Variants in LAMA2 observed in about 807,000 individuals in gnomAD.
LAMA2 encodes the protein laminin subunit alpha 2.
Under a neutral mutation model 364.8 loss-of-function variants are expected in LAMA2, and 269 were observed. The observed-to-expected ratio is 0.74, with a 90% CI of 0.67 to 0.82. LAMA2 has a LOEUF of 0.82. Among genes scored for constraint, LAMA2 ranks in the 40% least tolerant of loss-of-function variants. The pLI, the probability that LAMA2 is intolerant of heterozygous loss-of-function variation, is 0.00. For missense variants in LAMA2, 3,807 were observed against 3,873.2 expected, an observed-to-expected ratio of 0.98 and a Z score of 0.45; for synonymous variants, 1,379 against 1,370.6, an observed-to-expected ratio of 1.01 and a Z score of -0.14.
chr6:129,246,015 T>C (rs902401433), intron 12 of LAMA2, among the ~76,000 whole-genome samples: 1 of 152,210 alleles, frequency 6.6e-6, no homozygotes, highest in African/African-American at 2.4e-5. Context: ...TCTTAAGTAG[T>C]TAGTGCCAAA....
intron 6 of LAMA2, among the ~76,000 whole-genome samples, chr6:129,148,674 A>T (rs1778624700): frequency 6.6e-6 from 1 of 152,190 alleles, no homozygotes; most frequent in African/African-American, 2.4e-5. Context: ...CCCCCAAAAA[A>T]CACATAGATC....
Position 129,467,608 on chromosome 6 carries a change from C to T in LAMA2, c.7300+2319C>T, listed in dbSNP as rs141818402. 2.2e-3 allele frequency among the ~76,000 whole-genome samples: 337 copies of T among 151,882 alleles called. 1 individual carries two copies. Among genetic ancestry groups the T allele is most frequent in the Non-Finnish European group, 2.9e-3 (199 of 67,856 alleles). On this transcript the variant is annotated intron_variant, in intron 51 of 64. Coordinates refer to ENST00000421865, the MANE Select transcript of LAMA2 (RefSeq NM_000426.4). ...GATAGTAATATGCTTGGTAGATGTA[C>T]GGTATAACAAACAGGGATAAAATGA...
Position 129,288,051 on chromosome 6 carries a change from C to T in LAMA2, c.2742C>T (p.Asn914=). 6.2e-7 allele frequency: 1 copy of T among 1,613,684 alleles called. No homozygotes were observed. The highest frequency in any genetic ancestry group is 8.5e-7 in the Non-Finnish European group (1 of 1,179,582). ...GYFGDAVDAK[N]CQPCRCNAGG... The stretch of plus-strand genomic sequence containing the variant: ...TTGGAGATGCAGTTGATGCGAAGAA[C>T]TGTCAGCGTAAGTCCTGAACTATTG... The change falls in exon 19 of 65, where the codon AAC becomes AAT. Residue 914 remains asparagine, a synonymous_variant. Transcript: ENST00000421865.
intron 22 of LAMA2, among the ~76,000 whole-genome samples, chr6:129,307,551 C>T (rs944023884): frequency 3.3e-5 from 5 of 152,210 alleles, no homozygotes; most frequent in Admixed American, 6.5e-5. Context: ...GTGTTGCAGC[C>T]TAGAAATTGC....
chr6:129,500,216 A>G (rs1405430379), intron 58 of LAMA2, among the ~76,000 whole-genome samples: 17 of 152,148 alleles, frequency 1.1e-4, no homozygotes, highest in Admixed American at 1.1e-3. Flanking sequence ...CATATTTTTA[A>G]AAACCCTCTT....
At chr6:129,129,496 A>G (rs78418823) in intron 4 of LAMA2, among the ~76,000 whole-genome samples, 5,587 of 152,266 alleles carry the variant, frequency 0.037, 344 homozygotes, top group African/African-American at 0.13. Context: ...TCTTTTTATC[A>G]GGGCCATTAC....
chr6:128,892,523 T>C (rs1373852789), intron 1 of LAMA2, among the ~76,000 whole-genome samples: 3 of 152,064 alleles, frequency 2.0e-5, no homozygotes, highest in Non-Finnish European at 2.9e-5. Context: ...TGGCATATAG[T>C]AAGCACTTCA....
chr6:129,015,500 C>T (rs1365774717), intron 1 of LAMA2, among the ~76,000 whole-genome samples: 1 of 151,996 alleles, frequency 6.6e-6, no homozygotes, highest in Non-Finnish European at 1.5e-5. Flanking sequence ...AAACATTAAA[C>T]ATTTTAAGTA....
chr6:128,911,509 G>A (rs901686811), intron 1 of LAMA2, among the ~76,000 whole-genome samples: 23 of 152,168 alleles, frequency 1.5e-4, no homozygotes, highest in East Asian at 9.7e-4. Flanking sequence ...CGCACGGTGC[G>A]CGCACCCACT....
intron 1 of LAMA2, among the ~76,000 whole-genome samples, chr6:129,008,514 G>A (rs144276500): frequency 5.9e-5 from 9 of 152,256 alleles, no homozygotes; most frequent in African/African-American, 1.9e-4. Context: ...ACTAGTGAGA[G>A]ACTAAGTGAT....
At position 129,283,657 on chromosome 6, in the gene LAMA2, C is replaced by T. The variant is rs1463020420; in HGVS notation, c.2537+3510C>T. 2.6e-5 allele frequency among the ~76,000 whole-genome samples: 4 copies of T among 151,030 alleles called. No individual in the cohort carries two copies. In the South Asian group the frequency reaches 8.5e-4, roughly 32 times the overall value. ...TTTGAAAATTCATCTACAGTTTTAT[C>T]CTCAAGATTCATACTAGATATCAAA... On this transcript the variant is annotated intron_variant, in intron 18 of 64. Transcript: ENST00000421865.
At chr6:129,007,470 T>G (rs1241050114) in intron 1 of LAMA2, among the ~76,000 whole-genome samples, 1 of 152,182 alleles carries the variant, frequency 6.6e-6, no homozygotes, top group Non-Finnish European at 1.5e-5. Flanking sequence ...CTTCCCATAT[T>G]AAATTGCTTT....
rs35581247 is a variant in LAMA2 at position 129,316,126 on chromosome 6, A to G, written c.4013A>G (p.Tyr1338Cys). Residue 1338 changes from tyrosine (Y) to cysteine (C), a missense_variant, in exon 27 of 65, where the codon TAC becomes TGC. Physicochemically the swap from Tyr to Cys is radical, Grantham distance 194 (BLOSUM62 -2). Around this residue, in one of 3 missense-constraint regions of LAMA2, gnomAD observed 3,333 missense variants for 3,345.7 expected, o/e 1.00. Coordinates refer to ENST00000421865, the MANE Select transcript of LAMA2 (RefSeq NM_000426.4). ...DFLDILYDIH[Y>C]ILIKATYGNF... ...TTGGATATACTATATGATATTCATT[A>G]CATTCTTATCAAAGCTACTTATGGA... 1.9e-6 allele frequency: 3 copies of G among 1,606,794 alleles called. No homozygotes were observed. In the African/African-American group the frequency reaches 4.0e-5, roughly 21 times the overall value.
In LAMA2 at chr6:129,434,689, G is replaced by C. The variant is rs188143740; in HGVS notation, c.5969-3957G>C. Among the ~76,000 whole-genome samples the C allele has an allele frequency of 2.6e-5, 4 of 152,148 alleles. No individual in the cohort carries two copies. The East Asian group carries it at 7.7e-4, about 29-fold the overall frequency. On this transcript the variant is annotated intron_variant, in intron 41 of 64. Coordinates refer to ENST00000421865, the MANE Select transcript of LAMA2 (RefSeq NM_000426.4). ...GAGTTCTTTCTTACTTTTAGTTATG[G>C]ATACACTATGCCTCCTCTGTCTTTT... is the stretch of plus-strand genomic sequence containing the variant.
chr6:129,433,939 G>A (rs1027732633), intron 41 of LAMA2, among the ~76,000 whole-genome samples: 1 of 152,064 alleles, frequency 6.6e-6, no homozygotes, highest in Admixed American at 6.6e-5. Context: ...TCACATGAAG[G>A]AAGATGTTTT....
At chr6:129,492,191 G>A (rs887990265) in intron 57 of LAMA2, 114 bp downstream of exon 57, 5 of 1,403,786 alleles carry the variant, frequency 3.6e-6, no homozygotes, top group South Asian at 1.2e-5. Context: ...GAAACAATGA[G>A]GATCTTCAAC....
chr6:128,917,830 T>G (rs1253288312), intron 1 of LAMA2, among the ~76,000 whole-genome samples: 1 of 150,590 alleles, frequency 6.6e-6, no homozygotes, highest in Non-Finnish European at 1.5e-5. Context: ...ACATCTCAGT[T>G]TCAAGTGATA....
At chr6:129,091,399 A>G (rs1056502880) in intron 3 of LAMA2, among the ~76,000 whole-genome samples, 4 of 152,196 alleles carry the variant, frequency 2.6e-5, no homozygotes, top group Non-Finnish European at 5.9e-5. Flanking sequence ...TTAACTTCTC[A>G]TGAGTTTAAT....
intron 1 of LAMA2, among the ~76,000 whole-genome samples, chr6:129,014,114 G>C (rs9492191): frequency 6.6e-6 from 1 of 152,030 alleles, no homozygotes; most frequent in Non-Finnish European, 1.5e-5. Flanking sequence ...TAGATCGGGA[G>C]GGGTGCAAGA....
Sources: allele counts gnomAD v4.1 joint callset (sites outside exome capture counted in the v4.1 genomes callset), GRCh38; gene constraint gnomAD v4.1.1; regional missense constraint gnomAD v4.1.1; transcripts MANE v1.5; gene names NCBI Gene and HGNC (gene_info 2026-07-23, HGNC 2026-07-21).